ZNRF1: variants seen among roughly 807,000 people sequenced by gnomAD.
ZNRF1 encodes E3 ubiquitin-protein ligase ZNRF1.
ZNRF1 carries 3 observed loss-of-function variants against 18.4 expected under a neutral mutation model. The ratio of observed to expected loss-of-function variants is 0.16; its 90% CI spans 0.07 to 0.42. The LOEUF (loss-of-function observed/expected upper bound fraction) is 0.42, where lower values mean the gene tolerates loss of function less well. ZNRF1 is among the 10% of genes least tolerant of loss of function. The pLI is 0.99. For missense variants in ZNRF1, 310 were observed against 329.8 expected (o/e 0.94, Z 0.47); for synonymous variants, 157 against 144.2 (o/e 1.09, Z -0.64).
intron 1 of ZNRF1, among the ~76,000 whole-genome samples, chr16:75,052,991 G>A (rs780829341): frequency 2.6e-5 from 4 of 152,122 alleles, no homozygotes; most frequent in South Asian, 2.1e-4. Context: ...GATGTGAATC[G>A]GCGCCCTCTG....
intron 1 of ZNRF1, among the ~76,000 whole-genome samples, chr16:75,035,944 C>T (rs1265781391): frequency 6.6e-6 from 1 of 152,172 alleles, no homozygotes; most frequent in Non-Finnish European, 1.5e-5. Flanking sequence ...TTATTGGGAT[C>T]ACCAGTTTCA....
chr16:75,080,800 G>A (rs1176508287), intron 1 of ZNRF1, among the ~76,000 whole-genome samples: 2 of 152,134 alleles, frequency 1.3e-5, no homozygotes, highest in Non-Finnish European at 2.9e-5. Flanking sequence ...CTTGAGCCTG[G>A]GAGGTGGAGG....
At chr16:75,104,569 T>G in intron 2 of ZNRF1, 1 of 429,714 alleles carries the variant, frequency 2.3e-6, no homozygotes, top group Non-Finnish European at 4.2e-6. Context: ...ATTAATCCCA[T>G]TTTGTCTTTG....
intron 2 of ZNRF1, among the ~76,000 whole-genome samples, chr16:75,100,360 C>A (rs997645027): frequency 2.6e-5 from 4 of 152,226 alleles, no homozygotes; most frequent in African/African-American, 4.8e-5. Flanking sequence ...CGCCCCAGGA[C>A]AAGAAGAATC....
intron 1 of ZNRF1, among the ~76,000 whole-genome samples, chr16:75,089,374 G>A (rs779947858): frequency 1.3e-5 from 2 of 152,148 alleles, no homozygotes; most frequent in African/African-American, 4.8e-5. Context: ...CTCCCACAAT[G>A]CTGGTATTAC....
chr16:75,095,967 C>T (rs751008481), intron 2 of ZNRF1, among the ~76,000 whole-genome samples: 5 of 152,184 alleles, frequency 3.3e-5, no homozygotes, highest in Non-Finnish European at 5.9e-5. Context: ...GGCATGACCA[C>T]TGCTCCTCTG....
intron 1 of ZNRF1, among the ~76,000 whole-genome samples, chr16:75,005,596 A>C (rs1377702414): frequency 1.3e-5 from 2 of 152,220 alleles, no homozygotes; most frequent in Admixed American, 1.3e-4. Context: ...GATTCGTTCC[A>C]ATACCCACAG....
chr16:75,053,111 T>C (rs1462627967), intron 1 of ZNRF1, among the ~76,000 whole-genome samples: 8 of 152,184 alleles, frequency 5.3e-5, no homozygotes. Context: ...GCTCTATTTA[T>C]AGATCGCAGA....
At chr16:75,035,520 C>G (rs1252142691) in intron 1 of ZNRF1, among the ~76,000 whole-genome samples, 1 of 152,060 alleles carries the variant, frequency 6.6e-6, no homozygotes, top group East Asian at 1.9e-4. Context: ...GGAGCATAGG[C>G]AGAAGGAGAG....
rs2036351949 is a variant in ZNRF1 at position 75,109,193 on chromosome 16, G to C, written c.*1493G>C. The C allele has an allele frequency of 6.6e-6, 1 of 152,662 alleles. No individual in the cohort carries two copies. Among genetic ancestry groups the C allele is most frequent in the African/African-American group, 2.4e-5 (1 of 41,470 alleles). The allele number at this position is 152,662 out of a possible 1,614,324, so 9.5% of individuals were successfully genotyped here. A position where few individuals can be genotyped will look rare whatever the true frequency, so the allele number is the denominator to read the frequency against. ...GGGGCTGTGCCAGCTCAGAGCCCTT[G>C]AACCAGAACCAACTGCTCAGGCTCA... is the stretch of plus-strand genomic sequence containing the variant. On this transcript the variant is annotated 3_prime_UTR_variant, in exon 5 of 5. Coordinates refer to ENST00000335325, the MANE Select transcript of ZNRF1 (RefSeq NM_032268.5).
chr16:75,026,215 A>G (rs1218316437), intron 1 of ZNRF1, among the ~76,000 whole-genome samples: 1 of 152,220 alleles, frequency 6.6e-6, no homozygotes, highest in African/African-American at 2.4e-5. Context: ...TTAAACGAAC[A>G]TTTAAAATAT....
At chr16:75,053,759 A>C (rs1458329765) in intron 1 of ZNRF1, among the ~76,000 whole-genome samples, 1 of 152,194 alleles carries the variant, frequency 6.6e-6, no homozygotes, top group Non-Finnish European at 1.5e-5. Flanking sequence ...TCACAAGCTC[A>C]GAAAATGTCT....
At chr16:75,030,453 T>C (rs1409571138) in intron 1 of ZNRF1, among the ~76,000 whole-genome samples, 1 of 151,864 alleles carries the variant, frequency 6.6e-6, no homozygotes, top group Non-Finnish European at 1.5e-5. Flanking sequence ...GAGAGAAATA[T>C]TTAAAGAAAA....
chr16:75,022,295 G>A (rs1436402964), intron 1 of ZNRF1, among the ~76,000 whole-genome samples: 1 of 150,522 alleles, frequency 6.6e-6, no homozygotes, highest in East Asian at 2.0e-4. Flanking sequence ...TGAGCGAGGT[G>A]GCTCACGCCT....
intron 1 of ZNRF1, among the ~76,000 whole-genome samples, chr16:75,009,413 A>G (rs1021141278): frequency 1.3e-5 from 2 of 152,192 alleles, no homozygotes; most frequent in Non-Finnish European, 2.9e-5. Context: ...TATTTCACTT[A>G]GCGTAGTGTC....
intron 1 of ZNRF1, chr16:75,002,408 T>C (rs2034863691): frequency 6.6e-6 from 1 of 152,216 alleles, no homozygotes; most frequent in Admixed American, 6.5e-5. Flanking sequence ...TGTTGCAAGA[T>C]TGGAAGGGTA....
At chr16:75,006,685 C>T (rs2034922342) in intron 1 of ZNRF1, among the ~76,000 whole-genome samples, 1 of 152,188 alleles carries the variant, frequency 6.6e-6, no homozygotes, top group African/African-American at 2.4e-5. Context: ...ATCCACCTGC[C>T]TTGGCCTCCC....
intron 1 of ZNRF1, among the ~76,000 whole-genome samples, chr16:75,059,229 C>CTTTTTTTTTTTTTTTTTTTTTTTTT (rs35291578): frequency 9.7e-5 from 9 of 92,878 alleles, no homozygotes; most frequent in Admixed American, 1.4e-4. Context: ...TTCTTTCTTT[C>CTTTTTTTTTTTTTTTTTTTTTTTTT]TTTTTTTTTT....
chr16:75,026,612 A>C (rs770069509), intron 1 of ZNRF1, among the ~76,000 whole-genome samples: 7 of 152,178 alleles, frequency 4.6e-5, no homozygotes, highest in Non-Finnish European at 8.8e-5. Flanking sequence ...AATATATACA[A>C]CAAAGTAGAT....
Sources: allele counts gnomAD v4.1 joint callset (sites outside exome capture counted in the v4.1 genomes callset), GRCh38; gene constraint gnomAD v4.1.1; transcripts MANE v1.5; gene names NCBI Gene and HGNC (gene_info 2026-07-23, HGNC 2026-07-21).